Variants in PRMT3 observed in about 807,000 individuals in gnomAD.
PRMT3 encodes the protein protein arginine N-methyltransferase 3.
Under a neutral mutation model 71.9 loss-of-function variants are expected in PRMT3, and 62 were observed. That is an observed-to-expected ratio of 0.86 (90% CI 0.70 to 1.07). The LOEUF is 1.07. Among genes scored for constraint, PRMT3 ranks in the 50% least tolerant of loss-of-function variants. The pLI is 0.00. For synonymous variants in PRMT3, 213 were observed against 220.4 expected, an observed-to-expected ratio of 0.97 and a Z score of 0.30; for missense variants, 663 against 643.0, an observed-to-expected ratio of 1.03 and a Z score of -0.34.
chr11:20,456,897 G>A (rs1214242640), intron 11 of PRMT3, among the ~76,000 whole-genome samples: 3 of 151,716 alleles, frequency 2.0e-5, no homozygotes, highest in African/African-American at 7.3e-5. Context: ...ATTTTTTAAT[G>A]GAGTCTGTCC....
chr11:20,503,868 T>C (rs992015521), intron 15 of PRMT3, among the ~76,000 whole-genome samples: 2 of 152,212 alleles, frequency 1.3e-5, no homozygotes, highest in African/African-American at 4.8e-5. Context: ...CTGGGTCTTA[T>C]GGTAAGTGTA....
chr11:20,449,334 C>T (rs1049508275), intron 10 of PRMT3, among the ~76,000 whole-genome samples: 4 of 152,070 alleles, frequency 2.6e-5, no homozygotes, highest in Non-Finnish European at 5.9e-5. Flanking sequence ...GTTGTAAATT[C>T]TAATCTTGTT....
chr11:20,494,320 A>C (rs1590109679), intron 15 of PRMT3, 66 bp downstream of exon 15: 2 of 1,328,482 alleles, frequency 1.5e-6, no homozygotes. Context: ...CATTCATTTT[A>C]CAGCCACTTT....
intron 9 of PRMT3, among the ~76,000 whole-genome samples, chr11:20,409,504 A>G (rs949734092): frequency 2.0e-5 from 3 of 152,188 alleles, no homozygotes; most frequent in African/African-American, 2.4e-5. Context: ...AGATTGGCCT[A>G]TTGCCCACCA....
rs774885478 is a variant in PRMT3, at chr11:20,452,164, C to G, written c.1028C>G (p.Ser343Cys). 2 of 1,610,736 alleles carry G rather than the reference C, an allele frequency of 1.2e-6. No homozygotes were observed. The highest frequency in any genetic ancestry group is 1.7e-4 in the Middle Eastern group (1 of 5,982). ...CTTCTGTTTGAGTCTATGTTAGATT[C>G]TGTCCTTTATGCAAAGAACAAATAC... The part of the protein sequence containing the change: ...YFLLFESMLD[S>C]VLYAKNKYLA... Residue 343 changes from serine to cysteine, a missense_variant, in exon 11 of 16, where the codon TCT becomes TGT. Physicochemically the swap from Ser to Cys is moderately radical, Grantham distance 112. Transcript: ENST00000331079.
chr11:20,489,462 CT>C (rs879387353), intron 13 of PRMT3, among the ~76,000 whole-genome samples: 17 of 152,042 alleles, frequency 1.1e-4, no homozygotes, highest in Non-Finnish European at 2.2e-4. Context: ...TTGCCATTGC[CT>C]ATTAGTCATT....
chr11:20,395,948 T>C lies in PRMT3; in HGVS notation c.546T>C (p.Asp182=). ...CCGCATTGGCCAGAGCACGTGAGGA[T>C]CTGCAAAAAATGAAGTAATTTATCA... ...AEAALARARE[D]LQKMKQFAQD... The change falls in exon 6 of 16, where the codon GAT becomes GAC. Residue 182 remains aspartate (D), a synonymous_variant. Transcript: ENST00000331079. The C allele has an allele frequency of 6.2e-7, 1 of 1,608,764 alleles. No homozygotes were observed. Among genetic ancestry groups the C allele is most frequent in the Non-Finnish European group, 8.5e-7 (1 of 1,178,708 alleles).
chr11:20,442,704 G>T (rs1311604817), intron 10 of PRMT3, among the ~76,000 whole-genome samples: 1 of 151,826 alleles, frequency 6.6e-6, no homozygotes, highest in African/African-American at 2.4e-5. Context: ...CCCATGACCT[G>T]GACTAATATT....
At position 20,425,990 on chromosome 11, in the gene PRMT3, G is replaced by T. The variant is rs370948648; in HGVS notation, c.894-776G>T. On this transcript the variant is annotated intron_variant, in intron 9 of 15. Transcript: ENST00000331079. ...CTGAGAATTGAGAATTTATTAATCA[G>T]ATGTAAACTTAACCAGCAGCTTACA... Among the ~76,000 whole-genome samples, 43 of 152,308 alleles carry T rather than the reference G, an allele frequency of 2.8e-4. 1 individual carries two copies. The East Asian group carries it at 4.2e-3, about 15-fold the overall frequency.
intron 11 of PRMT3, among the ~76,000 whole-genome samples, chr11:20,459,436 A>G (rs913658787): frequency 1.3e-5 from 2 of 152,120 alleles, no homozygotes; most frequent in Admixed American, 6.5e-5. Flanking sequence ...GGTTATCTGT[A>G]TCTAGCCTGC....
At chr11:20,422,213 C>T (rs1849442432) in intron 9 of PRMT3, among the ~76,000 whole-genome samples, 1 of 152,016 alleles carries the variant, frequency 6.6e-6, no homozygotes, top group Non-Finnish European at 1.5e-5. Flanking sequence ...AGAATTTATG[C>T]CAGTAGTAAA....
At chr11:20,470,630 C>G (rs1205358537) in intron 13 of PRMT3, among the ~76,000 whole-genome samples, 4 of 152,108 alleles carry the variant, frequency 2.6e-5, no homozygotes, top group Non-Finnish European at 4.4e-5. Flanking sequence ...TTTTCTTTAT[C>G]CAGTCTACCA....
chr11:20,450,053 G>T (rs772188020), intron 10 of PRMT3, among the ~76,000 whole-genome samples: 2 of 152,136 alleles, frequency 1.3e-5, no homozygotes, highest in Non-Finnish European at 2.9e-5. Context: ...GAACATCAGA[G>T]AAATTCTTTG....
At chr11:20,417,869 C>T (rs1330013847) in intron 9 of PRMT3, among the ~76,000 whole-genome samples, 2 of 152,022 alleles carry the variant, frequency 1.3e-5, no homozygotes, top group African/African-American at 4.8e-5. Context: ...TATGCTGTGT[C>T]CTTTCCTGGC....
intron 9 of PRMT3, among the ~76,000 whole-genome samples, chr11:20,417,703 A>G (rs1849337912): frequency 6.6e-6 from 1 of 152,098 alleles, no homozygotes; most frequent in Non-Finnish European, 1.5e-5. Context: ...ATGTCACTGT[A>G]TACTATCTCT....
In PRMT3 at chr11:20,502,113, A is replaced by G. The variant is rs35760459; in HGVS notation, c.1487-6191A>G. On this transcript the variant is annotated intron_variant, in intron 15 of 15. Coordinates refer to ENST00000331079, the MANE Select transcript of PRMT3 (RefSeq NM_005788.4). ...TTGAACTACGGCACTGCTTTGTGAT[A>G]TACTAACAGCCGTCTGCTGATGATA... Among the ~76,000 whole-genome samples the G allele has an allele frequency of 7.1e-3, 1,077 of 152,334 alleles. 15 individuals carry two copies. The highest frequency in any genetic ancestry group is 0.025 in the African/African-American group (1,022 of 41,566).
intron 5 of PRMT3, among the ~76,000 whole-genome samples, chr11:20,393,457 T>C (rs1848760646): frequency 6.6e-6 from 1 of 152,192 alleles, no homozygotes; most frequent in Non-Finnish European, 1.5e-5. Flanking sequence ...CTTTAATTGC[T>C]TCATGTATTT....
chr11:20,442,983 G>A (rs1849943394), intron 10 of PRMT3, among the ~76,000 whole-genome samples: 1 of 152,120 alleles, frequency 6.6e-6, no homozygotes, highest in Non-Finnish European at 1.5e-5. Context: ...GATTGCTTGA[G>A]GCCAGTTCTG....
At chr11:20,400,700 A>T (rs996738937) in intron 7 of PRMT3, among the ~76,000 whole-genome samples, 2 of 152,124 alleles carry the variant, frequency 1.3e-5, no homozygotes, top group Non-Finnish European at 2.9e-5. Context: ...TTTGTAGTAT[A>T]TAACTTTTTT....
Sources: allele counts gnomAD v4.1 joint callset (sites outside exome capture counted in the v4.1 genomes callset), GRCh38; gene constraint gnomAD v4.1.1; transcripts MANE v1.5; gene names NCBI Gene and HGNC (gene_info 2026-07-23, HGNC 2026-07-21).